KAZN: variants seen among roughly 807,000 people sequenced by gnomAD.
The protein encoded by KAZN is kazrin.
A neutral mutation model predicts 87.4 loss-of-function variants in KAZN; 40 were observed. That is an observed-to-expected ratio of 0.46 (90% CI 0.36 to 0.60). KAZN has a LOEUF of 0.60. Ranked by LOEUF, KAZN falls within the 20% of genes least tolerant of loss-of-function variation. The probability of loss-of-function intolerance (pLI) is 0.00; values close to 1 mark genes in which losing one functional copy is unlikely to be tolerated. For missense variants in KAZN, 898 were observed against 1,073.9 expected, an observed-to-expected ratio of 0.84 and a Z score of 2.29; for synonymous variants, 466 against 458.3, an observed-to-expected ratio of 1.02 and a Z score of -0.22.
intron 1 of KAZN, among the ~76,000 whole-genome samples, chr1:14,111,915 T>C (rs906639405): frequency 6.6e-6 from 1 of 152,072 alleles, no homozygotes; most frequent in Non-Finnish European, 1.5e-5. Flanking sequence ...AATTTTTGTA[T>C]TTTTAGTAGA....
chr1:14,174,933 C>G (rs1260593296), intron 1 of KAZN, among the ~76,000 whole-genome samples: 2 of 152,102 alleles, frequency 1.3e-5, no homozygotes, highest in Non-Finnish European at 2.9e-5. Flanking sequence ...CGGTCTAGCT[C>G]GTGTCTGCTC....
At chr1:14,434,767 C>T (rs902836503) in intron 2 of KAZN, among the ~76,000 whole-genome samples, 1 of 152,024 alleles carries the variant, frequency 6.6e-6, no homozygotes, top group Non-Finnish European at 1.5e-5. Flanking sequence ...GACCCTGCCT[C>T]CAACGCACCT....
intron 1 of KAZN, among the ~76,000 whole-genome samples, chr1:14,070,151 G>C (rs1295829963): frequency 1.5e-5 from 1 of 66,372 alleles, no homozygotes; most frequent in African/African-American, 6.4e-5. Flanking sequence ...CTTGGCGACA[G>C]TGCGAGACTC....
chr1:14,257,625 T>C (rs1197155514), intron 2 of KAZN, among the ~76,000 whole-genome samples: 3 of 149,514 alleles, frequency 2.0e-5, no homozygotes, highest in African/African-American at 7.4e-5. Flanking sequence ...AAATCTTTAA[T>C]CCATCTTGAA....
chr1:14,537,658 G>T (rs552681337), intron 2 of KAZN, among the ~76,000 whole-genome samples: 2 of 152,238 alleles, frequency 1.3e-5, no homozygotes, highest in South Asian at 2.1e-4. Context: ...CCCCTACCTC[G>T]CCAGGTTGGT....
chr1:14,859,459 ATCT>A (rs1286084534), intron 1 of KAZN, among the ~76,000 whole-genome samples: 1 of 152,168 alleles, frequency 6.6e-6, no homozygotes, highest in African/African-American at 2.4e-5. Context: ...CTTAACCACT[ATCT>A]ACATGATTGT....
At chr1:15,034,041 C>T (rs1486709626) in intron 2 of KAZN, among the ~76,000 whole-genome samples, 3 of 152,158 alleles carry the variant, frequency 2.0e-5, no homozygotes, top group African/African-American at 7.2e-5. Flanking sequence ...CACCTGACTT[C>T]CTGTTTAAAT....
chr1:14,268,471 T>TTAAA (rs1651667743), intron 2 of KAZN, among the ~76,000 whole-genome samples: 1 of 140,640 alleles, frequency 7.1e-6, no homozygotes, highest in Non-Finnish European at 1.5e-5. Flanking sequence ...GACACTGTGT[T>TTAAA]AAAAAAAAAA....
At chr1:14,781,370 C>T (rs963342609) in intron 1 of KAZN, among the ~76,000 whole-genome samples, 4 of 152,172 alleles carry the variant, frequency 2.6e-5, no homozygotes, top group African/African-American at 9.7e-5. Flanking sequence ...GTTTCAAGTG[C>T]TAAGAAATCA....
At chr1:14,976,781 C>T (rs1014487778) in intron 2 of KAZN, among the ~76,000 whole-genome samples, 1 of 152,102 alleles carries the variant, frequency 6.6e-6, no homozygotes, top group African/African-American at 2.4e-5. Flanking sequence ...AGGCAGGGCG[C>T]GGTGGCTCAC....
At chr1:14,459,255 G>T (rs1219222127) in intron 2 of KAZN, among the ~76,000 whole-genome samples, 1 of 112,090 alleles carries the variant, frequency 8.9e-6, no homozygotes, top group African/African-American at 3.1e-5. Flanking sequence ...TATGGTGTGT[G>T]TGCGCGTGTG....
intron 1 of KAZN, among the ~76,000 whole-genome samples, chr1:14,031,374 T>C (rs749914077): frequency 6.6e-5 from 10 of 152,232 alleles, no homozygotes; most frequent in South Asian, 2.1e-4. Flanking sequence ...TTCCTACAAA[T>C]TGGCTAGCTA....
intron 1 of KAZN, among the ~76,000 whole-genome samples, chr1:14,092,368 G>C (rs895750891): frequency 5.3e-5 from 8 of 150,432 alleles, no homozygotes; most frequent in African/African-American, 1.9e-4. Flanking sequence ...TGGGATTATA[G>C]GCGTGAGCCA....
At chr1:14,637,873 T>C (rs1036257047) in intron 1 of KAZN, among the ~76,000 whole-genome samples, 2 of 152,162 alleles carry the variant, frequency 1.3e-5, no homozygotes, top group African/African-American at 4.8e-5. Context: ...AGATTTATTC[T>C]CTCACAGTCC....
At chr1:14,798,745 T>G (rs1243801213) in intron 1 of KAZN, among the ~76,000 whole-genome samples, 1 of 151,000 alleles carries the variant, frequency 6.6e-6, no homozygotes, top group African/African-American at 2.4e-5. Flanking sequence ...ACTTTCTTTT[T>G]TCTTTTCTTT....
At position 14,654,444 on chromosome 1, in the gene KAZN, G is replaced by A. The variant is rs552186679; in HGVS notation, c.226+55221G>A. On this transcript the variant is annotated intron_variant, in intron 1 of 14. Transcript: ENST00000376030. The stretch of plus-strand genomic sequence containing the variant: ...CAGAAAGAGGTCCCTAAATCCCCCC[G>A]CTGCCTCTCATGCTCTGCTGTATCA... Among the ~76,000 whole-genome samples, 6 of 152,106 alleles carry A rather than the reference G, an allele frequency of 3.9e-5. No individual in the cohort carries two copies. In the South Asian group the frequency reaches 6.2e-4, roughly 16 times the overall value.
chr1:13,999,669 A>G (rs1639692692), intron 1 of KAZN, among the ~76,000 whole-genome samples: 1 of 152,184 alleles, frequency 6.6e-6, no homozygotes, highest in Non-Finnish European at 1.5e-5. Flanking sequence ...AAACTAATCC[A>G]AAAGCTAGCA....
chr1:14,492,967 C>T (rs536416518), intron 2 of KAZN, among the ~76,000 whole-genome samples: 1 of 152,040 alleles, frequency 6.6e-6, no homozygotes, highest in African/African-American at 2.4e-5. Flanking sequence ...TCCCGGCCCT[C>T]TTCTCCTCAG....
intron 1 of KAZN, among the ~76,000 whole-genome samples, chr1:14,713,008 A>G (rs752887770): frequency 7.9e-5 from 12 of 151,928 alleles, no homozygotes; most frequent in Non-Finnish European, 1.2e-4. Context: ...AAACAACCAC[A>G]AGCCCTCAGT....
Sources: gnomAD v4.1 joint callset for allele counts (sites outside exome capture counted in the v4.1 genomes callset) on GRCh38, gnomAD v4.1.1 for gene constraint, MANE v1.5 for transcripts, NCBI Gene and HGNC (gene_info 2026-07-23, HGNC 2026-07-21) for gene names.